The following SDK2 variants were observed in gnomAD, a reference collection of about 807,000 sequenced individuals.
SDK2 encodes protein sidekick-2.
In SDK2, 105 loss-of-function variants were observed where a neutral mutation model predicts 253.9. The ratio of observed to expected loss-of-function variants is 0.41; its 90% CI spans 0.35 to 0.49. The LOEUF (loss-of-function observed/expected upper bound fraction) is 0.49. Among genes scored for constraint, SDK2 ranks in the 20% least tolerant of loss-of-function variants. The pLI is 0.06. For synonymous variants in SDK2, 1,249 were observed against 1,234.9 expected (o/e 1.01, Z -0.24); for missense variants, 2,608 against 3,003.0 (o/e 0.87, Z 3.07).
At chr17:73,416,789 C>T (rs563020542) in intron 16 of SDK2, among the ~76,000 whole-genome samples, 1 of 151,736 alleles carries the variant, frequency 6.6e-6, no homozygotes, top group South Asian at 2.1e-4. Context: ...TGGGGTTTCA[C>T]TATGCTGGCC....
At chr17:73,626,807 C>T (rs528675299) in intron 1 of SDK2, among the ~76,000 whole-genome samples, 1 of 152,244 alleles carries the variant, frequency 6.6e-6, no homozygotes, top group East Asian at 1.9e-4. Context: ...TTGTCTGAGC[C>T]CCAGGGGCTG....
chr17:73,387,269 T>A (rs1384132758), intron 30 of SDK2, among the ~76,000 whole-genome samples: 1 of 152,188 alleles, frequency 6.6e-6, no homozygotes, highest in Non-Finnish European at 1.5e-5. Context: ...CTCTCTTTTT[T>A]AAATGTAGTA....
chr17:73,615,436 G>C (rs189244579), intron 1 of SDK2, among the ~76,000 whole-genome samples: 2 of 152,216 alleles, frequency 1.3e-5, no homozygotes, highest in Non-Finnish European at 2.9e-5. Flanking sequence ...TGCAAAGCAA[G>C]TCTCTTTCTA....
rs376993948 is a variant in SDK2 at position 73,386,441 on chromosome 17, T to C, written c.4498+4A>G. On this transcript the variant is annotated splice_donor_region_variant and intron_variant, in intron 31 of 44. Coordinates refer to ENST00000392650, the MANE Select transcript of SDK2 (RefSeq NM_001144952.2). The stretch of plus-strand genomic sequence containing the variant: ...AGAGAGACTGCTGGGGAAGGGGTAC[T>C]GACCAGCCTGCAGGGTGGTCAGTGA... 5.2e-6 allele frequency: 8 copies of C among 1,546,496 alleles called. No individual in the cohort carries two copies. In the African/African-American group the frequency reaches 6.8e-5, roughly 13 times the overall value.
rs2145710818 is a variant in SDK2, at chr17:73,481,053, A to T, written c.225-8835T>A. On this transcript the variant is annotated intron_variant, in intron 2 of 44. Coordinates refer to ENST00000392650, the MANE Select transcript of SDK2 (RefSeq NM_001144952.2). This position sits in a 1 kb window ranked among gnomAD's most constrained non-coding sequence, Gnocchi z 4.5. ...CTGGCTGGGAGGCTACAGGGCCGCC[A>T]TTTGAAGGGGAGGCAGCAGCCTCAG... Among the ~76,000 whole-genome samples, 1 of 152,272 alleles carries T rather than the reference A, an allele frequency of 6.6e-6. No individual in the cohort carries two copies. The highest frequency in any genetic ancestry group is 1.5e-5 in the Non-Finnish European group (1 of 68,012).
chr17:73,552,607 G>A (rs554903396), intron 1 of SDK2, among the ~76,000 whole-genome samples: 11 of 152,216 alleles, frequency 7.2e-5, no homozygotes, highest in East Asian at 3.9e-4. Context: ...AAGTACGTAC[G>A]AGCATCACGC....
intron 3 of SDK2, among the ~76,000 whole-genome samples, chr17:73,457,318 C>T (rs1204007528): frequency 1.3e-5 from 1 of 76,930 alleles, no homozygotes; most frequent in Admixed American, 1.4e-4. Context: ...CCCCCCTCCC[C>T]TCTCCTCCCC....
At chr17:73,583,590 T>G (rs2145886497) in intron 1 of SDK2, among the ~76,000 whole-genome samples, 1 of 152,340 alleles carries the variant, frequency 6.6e-6, no homozygotes, top group African/African-American at 2.4e-5. Flanking sequence ...AGGGCCACCC[T>G]GTGCGGTGTG....
intron 21 of SDK2, among the ~76,000 whole-genome samples, chr17:73,400,812 G>A (rs749156325): frequency 6.6e-6 from 1 of 151,928 alleles, no homozygotes; most frequent in Admixed American, 6.6e-5. Flanking sequence ...CACCACCACA[G>A]CTGGCTAATT....
intron 1 of SDK2, among the ~76,000 whole-genome samples, chr17:73,599,544 T>C (rs1237633005): frequency 7.4e-6 from 1 of 134,796 alleles, no homozygotes; most frequent in East Asian, 2.1e-4. Flanking sequence ...AAAAAAAAAA[T>C]TAAATTAAAT....
chr17:73,433,393 C>T (rs1467271706), intron 10 of SDK2, among the ~76,000 whole-genome samples: 1 of 152,134 alleles, frequency 6.6e-6, no homozygotes, highest in Non-Finnish European at 1.5e-5. Flanking sequence ...AGCGATTCTC[C>T]TATCTCAGCC....
At chr17:73,522,829 T>A (rs967049673) in intron 1 of SDK2, among the ~76,000 whole-genome samples, 3 of 152,224 alleles carry the variant, frequency 2.0e-5, no homozygotes, top group African/African-American at 7.2e-5. Context: ...ACCCTGAGCA[T>A]CTCCATGGTG....
intron 2 of SDK2, among the ~76,000 whole-genome samples, chr17:73,487,706 C>T (rs78968622): frequency 0.016 from 2,490 of 152,232 alleles, 75 homozygotes; most frequent in African/African-American, 0.056. Context: ...GATGGAGCCA[C>T]GGGTGTGAGG....
Position 73,447,012 on chromosome 17 carries a change from T to C in SDK2, c.613+603A>G, listed in dbSNP as rs1030666163. Among the ~76,000 whole-genome samples the C allele has an allele frequency of 6.6e-6, 1 of 152,126 alleles. No individual in the cohort carries two copies. Among genetic ancestry groups the C allele is most frequent in the South Asian group, 2.1e-4 (1 of 4,828 alleles). ...AAAGCACACCAAGGGAATCACGCTT[T>C]TGTGTGTGTCTCACTGTGTGGTGAG... On this transcript the variant is annotated intron_variant, in intron 5 of 44. Transcript: ENST00000392650. This position sits in a 1 kb window ranked among gnomAD's most constrained non-coding sequence, Gnocchi z 4.0.
chr17:73,387,463 T>G (rs1294328165), intron 30 of SDK2, among the ~76,000 whole-genome samples: 1 of 152,184 alleles, frequency 6.6e-6, no homozygotes, highest in Non-Finnish European at 1.5e-5. Context: ...CACTCGGAAT[T>G]AAATTGAAGC....
chr17:73,522,299 C>T (rs1269888573), intron 1 of SDK2, among the ~76,000 whole-genome samples: 4 of 152,214 alleles, frequency 2.6e-5, no homozygotes, highest in Non-Finnish European at 5.9e-5. Flanking sequence ...GCTGCAGCCA[C>T]CTCTGCTGCC....
chr17:73,619,033 G>C (rs549273794), intron 1 of SDK2, among the ~76,000 whole-genome samples: 79 of 152,120 alleles, frequency 5.2e-4, no homozygotes, highest in Non-Finnish European at 2.5e-4. Flanking sequence ...TGAGTGTGGT[G>C]GTGCGTGCCT....
intron 1 of SDK2, among the ~76,000 whole-genome samples, chr17:73,607,923 CAA>C (rs1490836001): frequency 4.6e-5 from 7 of 151,076 alleles, no homozygotes; most frequent in African/African-American, 1.7e-4. Context: ...AAAGATAGAA[CAA>C]AGAGTGTCCA....
intron 24 of SDK2, 31 bp downstream of exon 24, chr17:73,398,003 AG>A: frequency 6.2e-7 from 1 of 1,603,794 alleles, no homozygotes; most frequent in Non-Finnish European, 8.5e-7. Context: ...GCTCATGGAG[AG>A]GTCCCACCCC....
Sources: gnomAD v4.1 joint callset for allele counts (sites outside exome capture counted in the v4.1 genomes callset) on GRCh38, gnomAD v4.1.1 for gene constraint, Gnocchi (gnomAD v3.1) non-coding constraint, MANE v1.5 for transcripts, NCBI Gene and HGNC (gene_info 2026-07-23, HGNC 2026-07-21) for gene names.